The following MEP1A variants were observed in gnomAD, a reference collection of about 807,000 sequenced individuals.
The protein encoded by MEP1A is meprin A subunit alpha.
MEP1A carries 68 observed loss-of-function variants against 84.5 expected under a neutral mutation model. That is an observed-to-expected ratio of 0.80 (90% CI 0.66 to 0.98). The LOEUF (loss-of-function observed/expected upper bound fraction) is 0.98. MEP1A is among the 50% of genes least tolerant of loss of function. MEP1A has a pLI of 0.00. For missense variants in MEP1A, 887 were observed against 919.9 expected, an observed-to-expected ratio of 0.96 and a Z score of 0.46; for synonymous variants, 337 against 336.8, an observed-to-expected ratio of 1.00 and a Z score of -0.01.
intron 5 of MEP1A, among the ~76,000 whole-genome samples, chr6:46,807,568 G>GAAAGAAAGAAAGAAA (rs1343800950): frequency 1.2e-4 from 5 of 42,938 alleles, no homozygotes; most frequent in African/African-American, 5.9e-4. Context: ...AAGAAAGAAA[G>GAAAGAAAGAAAGAAA]GAAGGAAGGA....
chr6:46,807,808 A>G (rs540372028), intron 5 of MEP1A, among the ~76,000 whole-genome samples: 1 of 148,898 alleles, frequency 6.7e-6, no homozygotes, highest in East Asian at 2.0e-4. Context: ...AGAAAGAAAG[A>G]AAGAAAGAAA....
chr6:46,820,783 A>C (rs909522426), intron 7 of MEP1A, among the ~76,000 whole-genome samples: 1 of 152,190 alleles, frequency 6.6e-6, no homozygotes, highest in Admixed American at 6.5e-5. Flanking sequence ...GGTAGAAAAA[A>C]AAAAAGTCAA....
intron 7 of MEP1A, among the ~76,000 whole-genome samples, chr6:46,823,095 C>T (rs1767820712): frequency 6.6e-6 from 1 of 152,158 alleles, no homozygotes; most frequent in Non-Finnish European, 1.5e-5. Flanking sequence ...AAGTAATCCC[C>T]AATATAATCC....
chr6:46,795,717 C>G (rs1767035780), intron 3 of MEP1A, among the ~76,000 whole-genome samples: 1 of 152,172 alleles, frequency 6.6e-6, no homozygotes, highest in East Asian at 1.9e-4. Context: ...CTGTGCTTCC[C>G]TTTCTGCCTT....
At chr6:46,818,683 A>G (rs749166575) in intron 6 of MEP1A, among the ~76,000 whole-genome samples, 44 of 152,220 alleles carry the variant, frequency 2.9e-4, no homozygotes, top group Non-Finnish European at 5.0e-4. Flanking sequence ...CCCTTCAGAA[A>G]TAAGTTAGGC....
intron 13 of MEP1A, among the ~76,000 whole-genome samples, chr6:46,836,180 T>C (rs190481185): frequency 1.2e-3 from 183 of 152,332 alleles, no homozygotes; most frequent in Non-Finnish European, 2.1e-3. Context: ...TTATCTAAAA[T>C]GTACCCAGAT....
chr6:46,793,543 T>C lies in MEP1A; in HGVS notation c.70-9T>C, dbSNP rs1231666929. The C allele has an allele frequency of 6.4e-7, 1 of 1,556,730 alleles. No homozygotes were observed. The highest frequency in any genetic ancestry group is 1.4e-5 in the African/African-American group (1 of 72,532). On this transcript the variant is annotated splice_polypyrimidine_tract_variant and intron_variant, in intron 1 of 13. Transcript: ENST00000230588. ...CATTATCCATTTTCTGTATATTTAT[T>C]TTTTTCAGATTAAGTATCTTCCTGA...
At position 46,825,377 on chromosome 6, in the gene MEP1A, A is replaced by G; in HGVS notation, c.662A>G (p.Lys221Arg). The G allele has an allele frequency of 6.2e-7, 1 of 1,613,580 alleles. No individual in the cohort carries two copies. Among genetic ancestry groups the G allele is most frequent in the Non-Finnish European group, 8.5e-7 (1 of 1,179,600 alleles). ...LMHYQPFSFN[K>R]NASVPTITAK... ...CACTACCAGCCTTTCTCATTTAACA[A>G]GAATGCAAGTGTTCCCACCATCACA... is the stretch of plus-strand genomic sequence containing the variant. The change falls in exon 8 of 14, where the codon AAG becomes AGG. Residue 221 changes from lysine (K) to arginine (R), a missense_variant. Physicochemically the swap from Lys to Arg is conservative, Grantham distance 26. Coordinates refer to ENST00000230588, the MANE Select transcript of MEP1A (RefSeq NM_005588.3).
chr6:46,809,478 T>C lies in MEP1A; in HGVS notation c.321T>C (p.Cys107=). The C allele has an allele frequency of 1.2e-6, 2 of 1,610,606 alleles. No individual in the cohort carries two copies. The highest frequency in any genetic ancestry group is 2.2e-5 in the East Asian group (1 of 44,802). Residue 107 remains cysteine (C), a synonymous_variant, in exon 6 of 14, where the codon TGT becomes TGC. Transcript: ENST00000230588. The part of the protein sequence containing the change: ...YAFEMFRLKS[C]VDFKPYEGES... ...TTGAGATGTTCCGTCTCAAGTCCTG[T>C]GTGGATTTCAAGCCCTATGAAGGAG...
intron 6 of MEP1A, among the ~76,000 whole-genome samples, chr6:46,817,937 C>T (rs1767680975): frequency 6.6e-6 from 1 of 152,200 alleles, no homozygotes; most frequent in South Asian, 2.1e-4. Flanking sequence ...CACTGGTCTC[C>T]TGAAGTTGGA....
intron 6 of MEP1A, among the ~76,000 whole-genome samples, chr6:46,815,041 A>G (rs1322657478): frequency 6.6e-6 from 1 of 152,202 alleles, no homozygotes; most frequent in Non-Finnish European, 1.5e-5. Flanking sequence ...AGGAGGTGGC[A>G]CTTTCAAGAG....
chr6:46,829,648 C>G lies in MEP1A; in HGVS notation c.1144+77C>G, dbSNP rs959824371. ...TGCTTCTTCTCCTCCTTCCCTCTTTCCTCCTACTCCTCCTTCTTCTCTCTC... is the reference window on the plus strand; with the variant it reads ...TGCTTCTTCTCCTCCTTCCCTCTTTGCTCCTACTCCTCCTTCTTCTCTCTC... On this transcript the variant is annotated intron_variant, in intron 10 of 13. Transcript: ENST00000230588. 1.1e-5 allele frequency: 11 copies of G among 975,580 alleles called. No individual in the cohort carries two copies. In the African/African-American group the frequency reaches 1.8e-4, roughly 16 times the overall value. 60.4% of individuals were successfully genotyped at this position (975,580 alleles called of 1,614,324 possible).
intron 7 of MEP1A, among the ~76,000 whole-genome samples, chr6:46,822,404 C>G (rs1259151789): frequency 6.6e-6 from 1 of 152,118 alleles, no homozygotes; most frequent in Non-Finnish European, 1.5e-5. Flanking sequence ...ACCAACCTAG[C>G]ACAGCTCTTA....
chr6:46,799,085 C>T (rs773708891), intron 4 of MEP1A, 21 bp from the exon 5 acceptor site: 1 of 1,574,396 alleles, frequency 6.4e-7, no homozygotes, highest in Non-Finnish European at 8.7e-7. Flanking sequence ...TTCCCACTCA[C>T]CTTTACCTTT....
intron 5 of MEP1A, among the ~76,000 whole-genome samples, chr6:46,805,939 G>A (rs796202485): frequency 2.6e-5 from 4 of 151,908 alleles, no homozygotes; most frequent in Admixed American, 1.3e-4. Flanking sequence ...TCACTAAAGC[G>A]CTATTCATTT....
chr6:46,819,753 A>G (rs1767725455), intron 7 of MEP1A, 49 bp downstream of exon 7: 1 of 1,580,720 alleles, frequency 6.3e-7, no homozygotes, highest in Admixed American at 1.7e-5. Context: ...GCTGAGACCA[A>G]TCCTGAGATG....
chr6:46,844,076 A>G (rs1768377899), downstream of MEP1A, among the ~76,000 whole-genome samples: 1 of 152,204 alleles, frequency 6.6e-6, no homozygotes, highest in East Asian at 1.9e-4. Flanking sequence ...TCAAATTTCT[A>G]TATGCTTATA....
At chr6:46,821,326 A>G (rs1242017779) in intron 7 of MEP1A, among the ~76,000 whole-genome samples, 2 of 152,182 alleles carry the variant, frequency 1.3e-5, no homozygotes, top group African/African-American at 4.8e-5. Flanking sequence ...CCATCTTACC[A>G]CCACCCACTG....
At chr6:46,810,095 T>C (rs1024761932) in intron 6 of MEP1A, among the ~76,000 whole-genome samples, 1 of 152,052 alleles carries the variant, frequency 6.6e-6, no homozygotes, top group Non-Finnish European at 1.5e-5. Flanking sequence ...TGTAAAAGTG[T>C]TCCCTTTTCA....
Sources: gnomAD v4.1 joint callset for allele counts (sites outside exome capture counted in the v4.1 genomes callset) on GRCh38, gnomAD v4.1.1 for gene constraint, MANE v1.5 for transcripts, NCBI Gene and HGNC (gene_info 2026-07-23, HGNC 2026-07-21) for gene names.